The following OLFML2B variants were observed in gnomAD, a reference collection of about 807,000 sequenced individuals.
OLFML2B encodes olfactomedin-like protein 2B.
In OLFML2B, 57 loss-of-function variants were observed where a neutral mutation model predicts 74.9. The observed-to-expected ratio is 0.76, with a 90% CI of 0.61 to 0.95. The LOEUF (loss-of-function observed/expected upper bound fraction) is 0.95, where lower values mean the gene tolerates loss of function less well. Among genes scored for constraint, OLFML2B ranks in the 40% least tolerant of loss-of-function variants. The probability of loss-of-function intolerance (pLI) is 0.00; values close to 1 mark genes in which losing one functional copy is unlikely to be tolerated. For synonymous variants in OLFML2B, 388 were observed against 405.8 expected, an observed-to-expected ratio of 0.96 and a Z score of 0.53; for missense variants, 986 against 970.6, an observed-to-expected ratio of 1.02 and a Z score of -0.21.
chr1:162,003,818 C>A (rs1690146196), intron 4 of OLFML2B, among the ~76,000 whole-genome samples: 1 of 152,132 alleles, frequency 6.6e-6, no homozygotes, highest in Non-Finnish European at 1.5e-5. Flanking sequence ...AAACCCAGCG[C>A]CCCTTCCACC....
At chr1:162,003,485 C>T (rs1188500471) in intron 4 of OLFML2B, among the ~76,000 whole-genome samples, 1 of 152,196 alleles carries the variant, frequency 6.6e-6, no homozygotes. Context: ...CATGGACAGC[C>T]CTTGCCAGAG....
chr1:161,983,422 T>C lies in OLFML2B; in HGVS notation c.*253A>G. On this transcript the variant is annotated 3_prime_UTR_variant, in exon 8 of 8. Coordinates refer to ENST00000294794, the MANE Select transcript of OLFML2B (RefSeq NM_015441.3). ...GGCTGAAGGCTTGAAGGAAGGTGGT[T>C]ACTGGTCAAAAGGAGAAGTTCATTT... 1 of 337,580 alleles carries C rather than the reference T, an allele frequency of 3.0e-6. No homozygotes were observed. The highest frequency in any genetic ancestry group is 2.1e-5 in the African/African-American group (1 of 47,336). The allele number at this position is 337,580 out of a possible 1,614,324, so 20.9% of individuals were successfully genotyped here.
At chr1:162,010,097 TCCTGG>T (rs1690335605) in intron 3 of OLFML2B, among the ~76,000 whole-genome samples, 1 of 152,058 alleles carries the variant, frequency 6.6e-6, no homozygotes, top group East Asian at 1.9e-4. Context: ...CTGCCAAGGA[TCCTGG>T]CACACTGAAG....
intron 4 of OLFML2B, among the ~76,000 whole-genome samples, chr1:162,001,725 C>T (rs1690085866): frequency 6.6e-6 from 1 of 152,182 alleles, no homozygotes; most frequent in African/African-American, 2.4e-5. Context: ...AGGGATGTTG[C>T]TATCTCTGTA....
intron 3 of OLFML2B, among the ~76,000 whole-genome samples, chr1:162,015,912 T>A (rs1489465720): frequency 6.6e-6 from 1 of 152,222 alleles, no homozygotes; most frequent in Non-Finnish European, 1.5e-5. Flanking sequence ...TCCAAAACCC[T>A]GACCCCTCTC....
intron 1 of OLFML2B, among the ~76,000 whole-genome samples, chr1:162,021,078 A>G (rs1690691494): frequency 6.6e-6 from 1 of 152,260 alleles, no homozygotes; most frequent in South Asian, 2.1e-4. Context: ...GCAGAGGGAA[A>G]GGGCAGTGGG....
At chr1:162,020,463 T>C (rs896275176) in intron 1 of OLFML2B, among the ~76,000 whole-genome samples, 4 of 152,176 alleles carry the variant, frequency 2.6e-5, no homozygotes, top group African/African-American at 4.8e-5. Context: ...ATGAGCCAAG[T>C]CATTTGTCCA....
chr1:162,008,398 A>G (rs1026566066), intron 3 of OLFML2B, among the ~76,000 whole-genome samples: 2 of 152,188 alleles, frequency 1.3e-5, no homozygotes, highest in African/African-American at 4.8e-5. Context: ...ACTACAAAAA[A>G]GTGGCAGAGT....
At chr1:162,010,608 C>T (rs182338043) in intron 3 of OLFML2B, among the ~76,000 whole-genome samples, 174 of 152,230 alleles carry the variant, frequency 1.1e-3, no homozygotes, top group African/African-American at 3.5e-3. Context: ...CTCTTAGACA[C>T]GTGTGCGTGT....
In OLFML2B at chr1:161,983,602, A is replaced by G. The variant is rs1689486803; in HGVS notation, c.*73T>C. 6.8e-7 allele frequency: 1 copy of G among 1,480,092 alleles called. No homozygotes were observed. Among genetic ancestry groups the G allele is most frequent in the Non-Finnish European group, 9.2e-7 (1 of 1,092,384 alleles). 91.7% of individuals were successfully genotyped at this position (1,480,092 alleles called of 1,614,324 possible). On this transcript the variant is annotated 3_prime_UTR_variant, in exon 8 of 8. Coordinates refer to ENST00000294794, the MANE Select transcript of OLFML2B (RefSeq NM_015441.3). Reference sequence around the variant, plus strand: ...TTAAACAACACATACCCACCTACACACACGTGCGCGCACACACATACACAC... The same window carrying G: ...TTAAACAACACATACCCACCTACACGCACGTGCGCGCACACACATACACAC...
rs1417243142 is a variant in OLFML2B, at chr1:161,983,924, G to A, written c.2004C>T (p.Leu668=). The A allele has an allele frequency of 6.2e-7, 1 of 1,614,074 alleles. No homozygotes were observed. Among genetic ancestry groups the A allele is most frequent in the Non-Finnish European group, 8.5e-7 (1 of 1,180,036 alleles). The change falls in exon 8 of 8, where the codon CTC becomes CTT. Residue 668 remains leucine (L), a synonymous_variant. Coordinates refer to ENST00000294794, the MANE Select transcript of OLFML2B (RefSeq NM_015441.3). The part of the protein sequence containing the change: ...TQKETTWRTG[L]RRNFYGNCFV... ...AGCAGTTGCCGTAGAAATTCCTCCG[G>A]AGCCCCGTGCGCCATGTGGTCTCCT...
rs141122488 is a variant in OLFML2B, at chr1:161,997,921, C to G, written c.1378G>C (p.Asp460His). The G allele has an allele frequency of 7.5e-5, 121 of 1,614,242 alleles. No individual in the cohort carries two copies. Among genetic ancestry groups the G allele is most frequent in the Non-Finnish European group, 9.9e-5 (117 of 1,180,046 alleles). Residue 460 changes from aspartate to histidine, a missense_variant, in exon 6 of 8, where the codon GAC becomes CAC. Transcript: ENST00000294794. The stretch of plus-strand genomic sequence containing the variant: ...GCAGGAGCATCTTTCCCCAGCGAGT[C>G]TGTTCTGACTGTGGTGGGAGGCACT... ...VPVPPTTVRTDSLGKDAPAGW... is the reference protein window; with the variant it reads ...VPVPPTTVRTHSLGKDAPAGW...
rs769136684 is a variant in OLFML2B, at chr1:162,023,372, A to G, written c.59T>C (p.Val20Ala). 1.9e-6 allele frequency: 3 copies of G among 1,604,874 alleles called. No homozygotes were observed. Among genetic ancestry groups the G allele is most frequent in the South Asian group, 1.1e-5 (1 of 90,318 alleles). ...YFALIVVPAW[V>A]SSIVLTGTSE... ...TGTCCCTGTGAGGACAATGCTGGAC[A>G]CCCAGGCCGGAACCACAATCAGAGC... The change falls in exon 1 of 8, where the codon GTG becomes GCG. Residue 20 changes from valine (V) to alanine (A), a missense_variant. Transcript: ENST00000294794.
chr1:161,988,795 G>A (rs746856904), intron 6 of OLFML2B, among the ~76,000 whole-genome samples: 17 of 151,980 alleles, frequency 1.1e-4, no homozygotes, highest in Non-Finnish European at 2.1e-4. Context: ...TCTGAGCACC[G>A]TGAATCCATC....
At chr1:161,999,001 G>A (rs1178307663) in intron 5 of OLFML2B, among the ~76,000 whole-genome samples, 13 of 152,332 alleles carry the variant, frequency 8.5e-5, no homozygotes, top group Non-Finnish European at 1.8e-4. Context: ...CAGGACATGC[G>A]TGCAGCGGCC....
intron 6 of OLFML2B, among the ~76,000 whole-genome samples, chr1:161,988,498 C>T (rs1198195081): frequency 1.3e-5 from 2 of 152,070 alleles, no homozygotes; most frequent in African/African-American, 4.8e-5. Flanking sequence ...TCCTCTTATT[C>T]TAGTCAAGCC....
At chr1:162,010,764 C>T (rs1690358453) in intron 3 of OLFML2B, among the ~76,000 whole-genome samples, 1 of 152,008 alleles carries the variant, frequency 6.6e-6, no homozygotes, top group Non-Finnish European at 1.5e-5. Flanking sequence ...AGGGTGCTGG[C>T]TCTGGAGATC....
At chr1:162,014,960 G>A (rs138787712) in intron 3 of OLFML2B, among the ~76,000 whole-genome samples, 6 of 152,220 alleles carry the variant, frequency 3.9e-5, no homozygotes, top group South Asian at 2.1e-4. Flanking sequence ...AGAAACTTAC[G>A]GGGTTGATTA....
chr1:162,011,024 G>A (rs932543047), intron 3 of OLFML2B, among the ~76,000 whole-genome samples: 2 of 152,154 alleles, frequency 1.3e-5, no homozygotes, highest in Admixed American at 6.5e-5. Context: ...GGTGGAAAAG[G>A]AAAGGGAAGC....
Sources: allele counts gnomAD v4.1 joint callset (sites outside exome capture counted in the v4.1 genomes callset), GRCh38; gene constraint gnomAD v4.1.1; transcripts MANE v1.5; gene names NCBI Gene and HGNC (gene_info 2026-07-23, HGNC 2026-07-21).